PSMF1: variants seen among roughly 807,000 people sequenced by gnomAD.
The protein encoded by PSMF1 is proteasome inhibitor subunit 1.
A neutral mutation model predicts 29.3 loss-of-function variants in PSMF1; 30 were observed. The ratio of observed to expected loss-of-function variants is 1.02; its 90% CI spans 0.77 to 1.39. The LOEUF (loss-of-function observed/expected upper bound fraction) is 1.39. PSMF1 is among the 40% of genes most tolerant of loss of function. The probability of loss-of-function intolerance (pLI) is 0.00; values close to 1 mark genes in which losing one functional copy is unlikely to be tolerated. For missense variants in PSMF1, 344 were observed against 357.5 expected, an observed-to-expected ratio of 0.96 and a Z score of 0.31; for synonymous variants, 134 against 139.7, an observed-to-expected ratio of 0.96 and a Z score of 0.29.
At chr20:1,128,409 C>A (rs932949324) in intron 3 of PSMF1, among the ~76,000 whole-genome samples, 6 of 152,218 alleles carry the variant, frequency 3.9e-5, no homozygotes, top group African/African-American at 1.4e-4. Flanking sequence ...TTCCCAGCAG[C>A]ATCAATGTAT....
intron 3 of PSMF1, among the ~76,000 whole-genome samples, chr20:1,133,567 A>ATATATATATATATATATT (rs2086260093): frequency 7.6e-5 from 3 of 39,474 alleles, no homozygotes; most frequent in Admixed American, 4.8e-4. Context: ...ATATATATAT[A>ATATATATATATATATATT]TATTTTTTTT....
rs898466170 is a variant in PSMF1, at chr20:1,165,655, C to T, written c.*575C>T. The T allele has an allele frequency of 1.5e-5, 15 of 996,758 alleles. No individual in the cohort carries two copies. The East Asian group carries it at 1.4e-3, about 91-fold the overall frequency. 61.7% of individuals were successfully genotyped at this position (996,758 alleles called of 1,614,324 possible). ...ATCACTAAGATGGGTCCCCTTCTGG[C>T]TGCATGAATGGAAATGAGTGACTGG... is the stretch of plus-strand genomic sequence containing the variant. On this transcript the variant is annotated 3_prime_UTR_variant, in exon 7 of 7. Coordinates refer to ENST00000335877, the MANE Select transcript of PSMF1 (RefSeq NM_006814.5).
intron 1 of PSMF1, among the ~76,000 whole-genome samples, chr20:1,119,741 C>T (rs2086061157): frequency 6.6e-6 from 1 of 152,134 alleles, no homozygotes; most frequent in South Asian, 2.1e-4. Context: ...CCTGTCTCTT[C>T]CCTGTGACCC....
At chr20:1,117,373 T>C (rs2122421884), upstream of PSMF1, among the ~76,000 whole-genome samples, 1 of 151,944 alleles carries the variant, frequency 6.6e-6, no homozygotes, top group African/African-American at 2.4e-5. Context: ...AAGATCGCTC[T>C]GTTGCCCAGG....
intron 3 of PSMF1, among the ~76,000 whole-genome samples, chr20:1,128,219 A>G (rs1403739377): frequency 6.6e-6 from 1 of 152,212 alleles, no homozygotes; most frequent in Non-Finnish European, 1.5e-5. Context: ...TGCCTTTTCT[A>G]GAGTGTCACA....
At chr20:1,135,529 AT>A (rs1328017663) in intron 4 of PSMF1, among the ~76,000 whole-genome samples, 1 of 152,166 alleles carries the variant, frequency 6.6e-6, no homozygotes, top group African/African-American at 2.4e-5. Flanking sequence ...AGCCTGCCTG[AT>A]TTCTTTCTAG....
intron 1 of PSMF1, chr20:1,113,444 CAACA>C (rs1479668866): frequency 2.3e-5 from 1 of 43,682 alleles, no homozygotes; most frequent in Non-Finnish European, 4.2e-5. Context: ...GGATCAGGGG[CAACA>C]CACACACACA....
rs566770956 is a variant in PSMF1 at position 1,159,623 on chromosome 20, C to T, written c.552-3507C>T. On this transcript the variant is annotated intron_variant, in intron 4 of 6. Coordinates refer to ENST00000335877, the MANE Select transcript of PSMF1 (RefSeq NM_006814.5). ...AGCCCCCTATGTTTGCCACTCTGGGCGGGGGGGCACTTCATGGAGTCAGGT... is the reference window on the plus strand; with the variant it reads ...AGCCCCCTATGTTTGCCACTCTGGGTGGGGGGGCACTTCATGGAGTCAGGT... Among the ~76,000 whole-genome samples the T allele has an allele frequency of 5.9e-5, 9 of 152,146 alleles. No individual in the cohort carries two copies. The South Asian group carries it at 6.2e-4, about 11-fold the overall frequency.
chr20:1,149,803 A>G (rs556884851), intron 4 of PSMF1, among the ~76,000 whole-genome samples: 3 of 152,272 alleles, frequency 2.0e-5, no homozygotes, highest in Admixed American at 2.0e-4. Context: ...CAGGAGACTG[A>G]GACAAGTGAA....
rs897935056 is a variant in PSMF1, at chr20:1,169,727, C to T, written c.*4647C>T. Among the ~76,000 whole-genome samples, 9 of 152,208 alleles carry T rather than the reference C, an allele frequency of 5.9e-5. No homozygotes were observed. Among genetic ancestry groups the T allele is most frequent in the African/African-American group, 2.2e-4 (9 of 41,454 alleles). On this transcript the variant is annotated 3_prime_UTR_variant, in exon 7 of 7. Coordinates refer to ENST00000335877, the MANE Select transcript of PSMF1 (RefSeq NM_006814.5). ...GATGTCCTTCACACTGCCATCTGGA[C>T]ACCACTCAGCTAGCTCATCCAAGTT...
rs1453496091 is a variant in PSMF1, at chr20:1,118,624, C to T, written c.-150C>T. The T allele has an allele frequency of 2.1e-6, 2 of 955,940 alleles. No homozygotes were observed. Among genetic ancestry groups the T allele is most frequent in the Non-Finnish European group, 3.0e-6 (2 of 677,614 alleles). The allele number at this position is 955,940 out of a possible 1,614,324, so 59.2% of individuals were successfully genotyped here. On this transcript the variant is annotated 5_prime_UTR_variant, in exon 1 of 7. Coordinates refer to ENST00000335877, the MANE Select transcript of PSMF1 (RefSeq NM_006814.5). ...TCCGGCTTCCCCGCCCCGCCCCGTC[C>T]CCGGGCGTCTCCATTTTGGTCTCAG...
chr20:1,127,257 A>G, intron 2 of PSMF1, 169 bp from the exon 3 acceptor site: 1 of 767,770 alleles, frequency 1.3e-6, no homozygotes, highest in Non-Finnish European at 2.4e-6. Context: ...CCTAAATCAG[A>G]GAAGTCTCCA....
At chr20:1,153,530 T>TCC (rs1409826320) in intron 4 of PSMF1, among the ~76,000 whole-genome samples, 1 of 152,100 alleles carries the variant, frequency 6.6e-6, no homozygotes, top group Admixed American at 6.6e-5. Context: ...CGAGATAATG[T>TCC]CCCCTTTTGA....
chr20:1,164,416 G>T lies in PSMF1; in HGVS notation c.704G>T (p.Gly235Val), dbSNP rs761561515. Residue 235 changes from glycine (G) to valine (V), a missense_variant, in exon 6 of 7, where the codon GGC (glycine) becomes GTC (valine). Coordinates refer to ENST00000335877, the MANE Select transcript of PSMF1 (RefSeq NM_006814.5). The surrounding 1 kb of genome is among the most constrained non-coding windows in gnomAD (Gnocchi z 4.1). Reference protein sequence around the residue: ...SSGLPNRLPPGAVPPGARFDP... With the variant: ...SSGLPNRLPPVAVPPGARFDP... ...GGCCTCCCGAACCGACTTCCTCCAG[G>T]CGCTGTGCCCCCAGGAGCTCGCTTT... The T allele has an allele frequency of 6.2e-7, 1 of 1,614,140 alleles. No individual in the cohort carries two copies. The highest frequency in any genetic ancestry group is 8.5e-7 in the Non-Finnish European group (1 of 1,180,028).
chr20:1,133,569 ATT>A (rs1217034678), intron 3 of PSMF1, among the ~76,000 whole-genome samples: 19 of 53,284 alleles, frequency 3.6e-4, no homozygotes, highest in South Asian at 2.0e-3. Flanking sequence ...ATATATATAT[ATT>A]TTTTTTTTTT....
In PSMF1 at chr20:1,165,750, T is replaced by A; in HGVS notation, c.*670T>A. ...TTGTGGAAAGACTGCATCATTCTGA[T>A]GAGGCAAAATCCTCCAGCTATTCCT... On this transcript the variant is annotated 3_prime_UTR_variant, in exon 7 of 7. Coordinates refer to ENST00000335877, the MANE Select transcript of PSMF1 (RefSeq NM_006814.5). 9.8e-7 allele frequency: 1 copy of A among 1,018,474 alleles called. No homozygotes were observed. The highest frequency in any genetic ancestry group is 1.2e-6 in the Non-Finnish European group (1 of 848,882). The allele number at this position is 1,018,474 out of a possible 1,614,324, so 63.1% of individuals were successfully genotyped here.
At chr20:1,128,701 T>G (rs1389934190) in intron 3 of PSMF1, among the ~76,000 whole-genome samples, 2 of 152,190 alleles carry the variant, frequency 1.3e-5, no homozygotes, top group African/African-American at 2.4e-5. Context: ...TCCCCCCATC[T>G]TCATTGACCT....
intron 4 of PSMF1, among the ~76,000 whole-genome samples, chr20:1,138,010 A>C (rs2086329640): frequency 6.6e-6 from 1 of 152,204 alleles, no homozygotes; most frequent in South Asian, 2.1e-4. Context: ...TACACACAGG[A>C]ACTCATGATA....
At chr20:1,118,542 C>A, upstream of PSMF1, 1 of 461,304 alleles carries the variant, frequency 2.2e-6, no homozygotes, top group Non-Finnish European at 3.8e-6. Context: ...TTCAGTGCTG[C>A]GCTCGCGTTG....
Sources: allele counts gnomAD v4.1 joint callset (sites outside exome capture counted in the v4.1 genomes callset), GRCh38; gene constraint gnomAD v4.1.1; non-coding constraint Gnocchi (gnomAD v3.1); transcripts MANE v1.5; gene names NCBI Gene and HGNC (gene_info 2026-07-23, HGNC 2026-07-21).